The following CNOT10 variants were observed in gnomAD, a reference collection of about 807,000 sequenced individuals.
CNOT10 encodes CCR4-NOT transcription complex, subunit 10.
CNOT10 carries 30 observed loss-of-function variants against 94.6 expected under a neutral mutation model. That is an observed-to-expected ratio of 0.32 (90% CI 0.24 to 0.43). The LOEUF is 0.43. Among genes scored for constraint, CNOT10 ranks in the 20% least tolerant of loss-of-function variants. The probability of loss-of-function intolerance (pLI) is 1.00; values close to 1 mark genes in which losing one functional copy is unlikely to be tolerated. For synonymous variants in CNOT10, 289 were observed against 301.6 expected, an observed-to-expected ratio of 0.96 and a Z score of 0.43; for missense variants, 759 against 877.2, an observed-to-expected ratio of 0.87 and a Z score of 1.70.
At chr3:32,753,334 CTG>C (rs1700047068) in intron 13 of CNOT10, 1 of 1,147,808 alleles carries the variant, frequency 8.7e-7, no homozygotes, top group Admixed American at 1.7e-5. Context: ...TCAGGTATGA[CTG>C]GTATCAAACA....
chr3:32,741,768 C>CAAAAAAAAAAAAAAAAAAAAAA (rs529423159), intron 13 of CNOT10, among the ~76,000 whole-genome samples: 5 of 86,536 alleles, frequency 5.8e-5, no homozygotes, highest in African/African-American at 4.4e-5. Context: ...GACTCCGTCT[C>CAAAAAAAAAAAAAAAAAAAAAA]AAAAAAAAAA....
rs151099669 is a variant in CNOT10, at chr3:32,761,933, C to T, written c.1710-800C>T. Among the ~76,000 whole-genome samples the T allele has an allele frequency of 9.4e-3, 1,428 of 151,242 alleles. 21 individuals are homozygous for T. Among genetic ancestry groups the T allele is most frequent in the African/African-American group, 0.033 (1,371 of 41,266 alleles). On this transcript the variant is annotated intron_variant, in intron 14 of 18. Transcript: ENST00000328834. ...GATTACAGGCATGCACCACCACGCC[C>T]GGCTAATTTTGTATTTTTAGTAGAG... is the stretch of plus-strand genomic sequence containing the variant.
At chr3:32,696,622 A>C (rs943293395) in intron 1 of CNOT10, among the ~76,000 whole-genome samples, 1 of 152,104 alleles carries the variant, frequency 6.6e-6, no homozygotes, top group African/African-American at 2.4e-5. Context: ...TTATTTTGAG[A>C]TGAGGTCTCA....
intron 1 of CNOT10, among the ~76,000 whole-genome samples, chr3:32,697,449 C>T (rs975520810): frequency 3.3e-5 from 5 of 151,986 alleles, no homozygotes; most frequent in African/African-American, 4.8e-5. Context: ...GCATATTTTA[C>T]TTATTTATTT....
chr3:32,764,391 G>A (rs1700579201), intron 15 of CNOT10, 64 bp from the exon 16 acceptor site: 2 of 1,538,370 alleles, frequency 1.3e-6, no homozygotes, highest in South Asian at 2.4e-5. Flanking sequence ...CTGAGCCCGA[G>A]GAGAAAAGAA....
intron 13 of CNOT10, among the ~76,000 whole-genome samples, chr3:32,747,592 C>G (rs1699755845): frequency 6.6e-6 from 1 of 151,480 alleles, no homozygotes; most frequent in Non-Finnish European, 1.5e-5. Flanking sequence ...CAAACTTTCA[C>G]TACACCACAC....
chr3:32,740,418 G>A (rs187300848), intron 13 of CNOT10, among the ~76,000 whole-genome samples: 29 of 152,160 alleles, frequency 1.9e-4, no homozygotes, highest in South Asian at 4.1e-4. Context: ...AGCCAAGATC[G>A]TGCTATTGCC....
chr3:32,736,686 G>T (rs1020213137), intron 12 of CNOT10, among the ~76,000 whole-genome samples: 2 of 151,784 alleles, frequency 1.3e-5, no homozygotes, highest in Non-Finnish European at 1.5e-5. Flanking sequence ...GGTGTAGGAG[G>T]ATCGCCTGAG....
chr3:32,694,629 G>A (rs1483116123), intron 1 of CNOT10, among the ~76,000 whole-genome samples: 1 of 151,952 alleles, frequency 6.6e-6, no homozygotes, highest in Admixed American at 6.6e-5. Context: ...TTGCTCTGTT[G>A]CCTAGGCTGG....
intron 18 of CNOT10, 124 bp from the exon 19 acceptor site, chr3:32,773,333 C>A: frequency 2.0e-6 from 2 of 999,496 alleles, no homozygotes; most frequent in Non-Finnish European, 2.9e-6. Flanking sequence ...CAGTATACAG[C>A]CAAGGCTGCA....
At chr3:32,770,007 T>G in intron 18 of CNOT10, 45 bp downstream of exon 18, 2 of 1,499,366 alleles carry the variant, frequency 1.3e-6, no homozygotes, top group African/African-American at 1.4e-5. Context: ...TGAAAGAGCC[T>G]GAGATTTTTT....
At chr3:32,693,894 A>G (rs1346712888) in intron 1 of CNOT10, among the ~76,000 whole-genome samples, 2 of 152,104 alleles carry the variant, frequency 1.3e-5, no homozygotes, top group Non-Finnish European at 2.9e-5. Flanking sequence ...CTGAATATTG[A>G]TTTATACTTG....
chr3:32,694,413 T>A (rs114570724), intron 1 of CNOT10, among the ~76,000 whole-genome samples: 1 of 152,306 alleles, frequency 6.6e-6, no homozygotes, highest in African/African-American at 2.4e-5. Flanking sequence ...TTTGAATTTG[T>A]AACTTTAATA....
intron 1 of CNOT10, among the ~76,000 whole-genome samples, chr3:32,696,907 C>A (rs893023250): frequency 6.6e-6 from 1 of 151,826 alleles, no homozygotes; most frequent in Admixed American, 6.6e-5. Flanking sequence ...AAATTGGCTT[C>A]TCTCCTTTTC....
At chr3:32,699,625 C>T (rs1393406447) in intron 1 of CNOT10, among the ~76,000 whole-genome samples, 1 of 152,080 alleles carries the variant, frequency 6.6e-6, no homozygotes, top group African/African-American at 2.4e-5. Context: ...GTCACACTTC[C>T]CAGTATCCTG....
intron 13 of CNOT10, chr3:32,754,020 A>T (rs1202091324): frequency 5.9e-6 from 3 of 511,820 alleles, no homozygotes; most frequent in Non-Finnish European, 1.0e-5. Context: ...GAATTGCTTG[A>T]ACCCAGGAGG....
At chr3:32,712,990 C>T (rs1697958088) in intron 4 of CNOT10, among the ~76,000 whole-genome samples, 1 of 152,196 alleles carries the variant, frequency 6.6e-6, no homozygotes, top group Admixed American at 6.5e-5. Flanking sequence ...TAGATATTTT[C>T]CTAAGGAAGA....
At chr3:32,736,940 A>G (rs906096751) in intron 12 of CNOT10, among the ~76,000 whole-genome samples, 1 of 152,154 alleles carries the variant, frequency 6.6e-6, no homozygotes, top group Non-Finnish European at 1.5e-5. Context: ...ACTAATATAC[A>G]ATATAGCTTT....
At chr3:32,685,569 G>C in intron 1 of CNOT10, 87 bp downstream of exon 1, 1 of 1,416,364 alleles carries the variant, frequency 7.1e-7, no homozygotes, top group South Asian at 1.2e-5. Context: ...GGCCCGGGGT[G>C]GGGACTCCAG....
Sources: allele counts gnomAD v4.1 joint callset (sites outside exome capture counted in the v4.1 genomes callset), GRCh38; gene constraint gnomAD v4.1.1; transcripts MANE v1.5; gene names NCBI Gene and HGNC (gene_info 2026-07-23, HGNC 2026-07-21).